The following CLASP2 variants were observed in gnomAD, a reference collection of about 807,000 sequenced individuals.
CLASP2 encodes the protein CLIP-associating protein 2.
In CLASP2, 47 loss-of-function variants were observed where a neutral mutation model predicts 194.4. The observed-to-expected ratio is 0.24, with a 90% CI of 0.19 to 0.31. The LOEUF (loss-of-function observed/expected upper bound fraction) is 0.31. Ranked by LOEUF, CLASP2 falls within the 10% of genes least tolerant of loss-of-function variation. CLASP2 has a pLI of 1.00. For missense variants in CLASP2, 1,445 were observed against 1,823.6 expected, an observed-to-expected ratio of 0.79 and a Z score of 3.78; for synonymous variants, 619 against 633.5, an observed-to-expected ratio of 0.98 and a Z score of 0.34.
intron 6 of CLASP2, among the ~76,000 whole-genome samples, chr3:33,682,237 A>G (rs1050004850): frequency 2.0e-5 from 3 of 152,230 alleles, no homozygotes; most frequent in African/African-American, 7.2e-5. Context: ...CATATTTGAT[A>G]TTATAGAATT....
chr3:33,505,137 T>C (rs1316478027), intron 37 of CLASP2: 1 of 152,082 alleles, frequency 6.6e-6, no homozygotes, highest in Non-Finnish European at 1.5e-5. Flanking sequence ...ATCTTTTCAA[T>C]AGACTCCACT....
At chr3:33,678,471 A>G (rs2154341904) in intron 6 of CLASP2, among the ~76,000 whole-genome samples, 1 of 152,328 alleles carries the variant, frequency 6.6e-6, no homozygotes, top group South Asian at 2.1e-4. Flanking sequence ...AAATATTTAA[A>G]GTGTTGACAG....
intron 24 of CLASP2, chr3:33,574,619 A>T: frequency 1.9e-6 from 1 of 539,534 alleles, no homozygotes; most frequent in Non-Finnish European, 3.2e-6. Context: ...TTTCACACAT[A>T]GGTACAAAGA....
chr3:33,714,575 G>A (rs2093199701), intron 1 of CLASP2, among the ~76,000 whole-genome samples: 1 of 152,072 alleles, frequency 6.6e-6, no homozygotes, highest in Non-Finnish European at 1.5e-5. Context: ...TCCACCAGGA[G>A]CTCCTGTCGG....
At chr3:33,715,335 T>C (rs993047056) in intron 1 of CLASP2, among the ~76,000 whole-genome samples, 1 of 152,238 alleles carries the variant, frequency 6.6e-6, no homozygotes, top group African/African-American at 2.4e-5. Context: ...ATGAGGTCTT[T>C]AACGACCAAC....
chr3:33,636,285 C>A (rs1288617769), intron 8 of CLASP2, among the ~76,000 whole-genome samples: 1 of 151,938 alleles, frequency 6.6e-6, no homozygotes, highest in Non-Finnish European at 1.5e-5. Flanking sequence ...TTTTTCCTGG[C>A]CCCACGGAAT....
chr3:33,592,638 A>G, intron 20 of CLASP2, 142 bp from the exon 21 acceptor site: 1 of 727,320 alleles, frequency 1.4e-6, no homozygotes, highest in Non-Finnish European at 2.3e-6. Flanking sequence ...TTTCTCTTAA[A>G]AATTTTATAA....
chr3:33,596,314 C>A (rs1475266325), intron 19 of CLASP2, among the ~76,000 whole-genome samples: 1 of 152,008 alleles, frequency 6.6e-6, no homozygotes, highest in Admixed American at 6.6e-5. Context: ...TATGAACTTA[C>A]GAAATATGTC....
At chr3:33,525,398 C>A (rs2054253230) in intron 34 of CLASP2, among the ~76,000 whole-genome samples, 1 of 151,996 alleles carries the variant, frequency 6.6e-6, no homozygotes, top group South Asian at 2.1e-4. Context: ...AACACACACA[C>A]CTTCAACTCA....
At chr3:33,570,887 A>C (rs2063597058) in intron 25 of CLASP2, 97 bp from the exon 26 acceptor site, 2 of 1,044,004 alleles carry the variant, frequency 1.9e-6, no homozygotes, top group South Asian at 1.7e-5. Flanking sequence ...AAAAAAAAAA[A>C]AGGTTAGGTT....
chr3:33,686,077 T>C (rs2090632962), intron 5 of CLASP2, among the ~76,000 whole-genome samples: 1 of 152,110 alleles, frequency 6.6e-6, no homozygotes, highest in Non-Finnish European at 1.5e-5. Flanking sequence ...TAGCTCTAGT[T>C]CCCTTGCACA....
Position 33,576,081 on chromosome 3 carries a change from C to A in CLASP2, c.2454+88G>T, listed in dbSNP as rs1191335400. 3.7e-5 allele frequency: 35 copies of A among 956,902 alleles called. No homozygotes were observed. In the South Asian group the frequency reaches 5.4e-4, roughly 15 times the overall value. 59.3% of individuals were successfully genotyped at this position (956,902 alleles called of 1,614,324 possible). A position where few individuals can be genotyped will look rare whatever the true frequency, so the allele number is the denominator to read the frequency against. On this transcript the variant is annotated intron_variant, in intron 24 of 38. Coordinates refer to ENST00000682230, the MANE Select transcript of CLASP2 (RefSeq NM_001365631.1). ...GATTTAATCACTGATTTTTCCCCAA[C>A]CCCTTTCCCACATGGATAGACTGGC...
At position 33,563,911 on chromosome 3, in the gene CLASP2, A is replaced by C. The variant is rs1192743015; in HGVS notation, c.2766+2821T>G. ...ATCCTTGAACACACCTCATATATCC[A>C]CCCTGATTTCCTAACACATCCCCAC... is the stretch of plus-strand genomic sequence containing the variant. On this transcript the variant is annotated intron_variant, in intron 27 of 38. Transcript: ENST00000682230. 6.6e-6 allele frequency: 3 copies of C among 455,876 alleles called. No individual in the cohort carries two copies. The Admixed American group carries it at 7.1e-5, about 11-fold the overall frequency. 28.2% of individuals were successfully genotyped at this position (455,876 alleles called of 1,614,324 possible).
intron 3 of CLASP2, among the ~76,000 whole-genome samples, chr3:33,689,568 A>G (rs909777079): frequency 5.9e-5 from 9 of 152,120 alleles, no homozygotes; most frequent in African/African-American, 1.7e-4. Context: ...AAAAAATCCT[A>G]AAGTATAACA....
At chr3:33,614,408 G>A (rs1350826997) in intron 12 of CLASP2, among the ~76,000 whole-genome samples, 1 of 152,120 alleles carries the variant, frequency 6.6e-6, no homozygotes, top group African/African-American at 2.4e-5. Context: ...CAATAAGACA[G>A]AAGTACTAAA....
chr3:33,655,863 A>G (rs2084092935), intron 7 of CLASP2, among the ~76,000 whole-genome samples: 1 of 152,164 alleles, frequency 6.6e-6, no homozygotes, highest in East Asian at 1.9e-4. Flanking sequence ...TCATTTTTGG[A>G]ATAATAGACT....
At chr3:33,614,038 A>G (rs1050211219) in intron 12 of CLASP2, among the ~76,000 whole-genome samples, 5 of 152,172 alleles carry the variant, frequency 3.3e-5, no homozygotes, top group African/African-American at 1.2e-4. Context: ...ACAACAGGGG[A>G]AAAAAAGCTT....
chr3:33,535,159 C>A, intron 34 of CLASP2, 74 bp downstream of exon 34: 1 of 973,512 alleles, frequency 1.0e-6, no homozygotes, highest in Admixed American at 2.4e-5. Context: ...AATAAAAAAG[C>A]ATATGCATTT....
chr3:33,587,704 C>A (rs1277256264), intron 21 of CLASP2, among the ~76,000 whole-genome samples: 2 of 152,168 alleles, frequency 1.3e-5, no homozygotes, highest in African/African-American at 4.8e-5. Flanking sequence ...AATCCAATTT[C>A]TTTCAGTTAT....
Sources: allele counts gnomAD v4.1 joint callset (sites outside exome capture counted in the v4.1 genomes callset), GRCh38; gene constraint gnomAD v4.1.1; transcripts MANE v1.5; gene names NCBI Gene and HGNC (gene_info 2026-07-23, HGNC 2026-07-21).